SNX19: variants seen among roughly 807,000 people sequenced by gnomAD.
The protein encoded by SNX19 is sorting nexin-19.
SNX19 carries 60 observed loss-of-function variants against 85.2 expected under a neutral mutation model. The observed-to-expected ratio is 0.70, with a 90% CI of 0.57 to 0.87. SNX19 has a LOEUF of 0.87. Ranked by LOEUF, SNX19 falls within the 40% of genes least tolerant of loss-of-function variation. SNX19 has a pLI of 0.00. For synonymous variants in SNX19, 520 were observed against 470.0 expected (o/e 1.11, Z -1.38); for missense variants, 1,201 against 1,217.8 (o/e 0.99, Z 0.21).
intron 2 of SNX19, 51 bp downstream of exon 2, chr11:130,911,569 AGGCCAATCAGCGT>A: frequency 6.2e-7 from 1 of 1,604,060 alleles, no homozygotes; most frequent in Middle Eastern, 1.8e-4. Context: ...ATAAACCAAC[AGGCCAATCAGCGT>A]GGCTCGACGT....
rs1325393379 is a variant in SNX19 at position 130,880,826 on chromosome 11, A to G, written c.2574-20T>C. On this transcript the variant is annotated intron_variant, in intron 8 of 10. Coordinates refer to ENST00000265909, the MANE Select transcript of SNX19 (RefSeq NM_014758.3). ...AGCCACCTGTGGTAGAAGAGAGACG[A>G]AAGCTTAGATAAAGCTGAAGGAAAG... 1.3e-6 allele frequency: 2 copies of G among 1,532,094 alleles called. No individual in the cohort carries two copies. Among genetic ancestry groups the G allele is most frequent in the South Asian group, 2.6e-5 (2 of 78,304 alleles). 94.9% of individuals were successfully genotyped at this position (1,532,094 alleles called of 1,614,324 possible). A position where few individuals can be genotyped will look rare whatever the true frequency, so the allele number is the denominator to read the frequency against.
intron 4 of SNX19, 152 bp downstream of exon 4, chr11:130,909,866 C>G (rs1945956971): frequency 9.7e-7 from 1 of 1,031,226 alleles, no homozygotes; most frequent in African/African-American, 1.6e-5. Flanking sequence ...GGCAACAGGT[C>G]TTGACAATTT....
intron 8 of SNX19, among the ~76,000 whole-genome samples, chr11:130,902,153 T>C (rs1040069402): frequency 6.6e-6 from 1 of 152,262 alleles, no homozygotes; most frequent in African/African-American, 2.4e-5. Flanking sequence ...GGCATGTTAG[T>C]TGACTTTGCC....
rs1439278080 is a variant in SNX19 at position 130,910,080 on chromosome 11, G to C, written c.1972C>G (p.Leu658Val). The C allele has an allele frequency of 6.2e-7, 1 of 1,614,194 alleles. No individual in the cohort carries two copies. The highest frequency in any genetic ancestry group is 1.7e-5 in the Admixed American group (1 of 60,026). The change falls in exon 4 of 11, where the codon CTG becomes GTG. Residue 658 changes from leucine (L) to valine (V), a missense_variant. By Grantham distance (32) the Leu-to-Val change is conservative. Transcript: ENST00000265909. ...AAGGCAATACGAGCATCTGTGTTCA[G>C]AGCAAGGAACTCCTGCACCTCCTCA... ...NSEEVQEFLA[L>V]NTDARIAFVK...
At chr11:130,903,487 A>G in intron 7 of SNX19, 103 bp from the exon 8 acceptor site, 1 of 1,291,848 alleles carries the variant, frequency 7.7e-7, no homozygotes. Context: ...CTTCATGCCA[A>G]TCATCTGGTA....
chr11:130,880,859 C>A, intron 8 of SNX19, 53 bp from the exon 9 acceptor site: 1 of 1,444,920 alleles, frequency 6.9e-7, no homozygotes, highest in East Asian at 2.3e-5. Context: ...AAGGAAATAA[C>A]AAGGCAGCGG....
chr11:130,911,796 C>T, intron 1 of SNX19, 25 bp from the exon 2 acceptor site: 1 of 1,608,366 alleles, frequency 6.2e-7, no homozygotes, highest in African/African-American at 1.3e-5. Flanking sequence ...AATTGATTGA[C>T]TCAATCAGCC....
chr11:130,892,089 C>A (rs932933393), intron 8 of SNX19, among the ~76,000 whole-genome samples: 1 of 151,140 alleles, frequency 6.6e-6, no homozygotes, highest in Admixed American at 6.6e-5. Context: ...AATGATCCAC[C>A]CACCTTGGCC....
rs1361310812 is a variant in SNX19, at chr11:130,870,737, T to C, written c.*7685A>G. ...ATCAAGATCCAGACTTATTCACAAA[T>C]TTTGCCTCTTAAATAAACATAATCT... On this transcript the variant is annotated 3_prime_UTR_variant, in exon 11 of 11. Coordinates refer to ENST00000265909, the MANE Select transcript of SNX19 (RefSeq NM_014758.3). 6.6e-6 allele frequency among the ~76,000 whole-genome samples: 1 copy of C among 152,030 alleles called. No homozygotes were observed. Among genetic ancestry groups the C allele is most frequent in the Non-Finnish European group, 1.5e-5 (1 of 68,004 alleles).
intron 8 of SNX19, among the ~76,000 whole-genome samples, chr11:130,889,021 A>G (rs1262818156): frequency 6.6e-6 from 1 of 152,188 alleles, no homozygotes; most frequent in African/African-American, 2.4e-5. Context: ...TTCACCATGT[A>G]ATCAGTTGAT....
chr11:130,905,681 T>A (rs1346356362), intron 7 of SNX19: 2 of 1,516,488 alleles, frequency 1.3e-6, no homozygotes, highest in Admixed American at 4.0e-5. Context: ...AAAAATAAGT[T>A]TAATGAGTTA....
At position 130,885,543 on chromosome 11, in the gene SNX19, G is replaced by A. The variant is rs558060844; in HGVS notation, c.2574-4737C>T. 4.5e-4 allele frequency among the ~76,000 whole-genome samples: 69 copies of A among 152,302 alleles called. 1 individual carries two copies. The highest frequency in any genetic ancestry group is 1.4e-3 in the Admixed American group (21 of 15,304). ...ATTTCTTTTCTAAGACAGCAGCTATGGCTGAGTGAGAAAGGGTCTTGAATC... is the reference window on the plus strand; with the variant it reads ...ATTTCTTTTCTAAGACAGCAGCTATAGCTGAGTGAGAAAGGGTCTTGAATC... On this transcript the variant is annotated intron_variant, in intron 8 of 10. Transcript: ENST00000265909.
At chr11:130,894,109 A>G (rs982647129) in intron 8 of SNX19, among the ~76,000 whole-genome samples, 3 of 146,660 alleles carry the variant, frequency 2.0e-5, no homozygotes, top group African/African-American at 7.4e-5. Flanking sequence ...GCTATTCAGC[A>G]CTGACAATCT....
intron 8 of SNX19, among the ~76,000 whole-genome samples, chr11:130,888,809 C>T (rs1592297999): frequency 6.6e-6 from 1 of 152,108 alleles, no homozygotes; most frequent in Non-Finnish European, 1.5e-5. Flanking sequence ...TCATCTAGGC[C>T]ATGTACAGGT....
chr11:130,889,873 A>G (rs1944377620), intron 8 of SNX19, among the ~76,000 whole-genome samples: 1 of 152,188 alleles, frequency 6.6e-6, no homozygotes, highest in African/African-American at 2.4e-5. Context: ...CTACAAGGTT[A>G]GCTATTCATT....
At chr11:130,885,155 A>C (rs1250094841) in intron 8 of SNX19, among the ~76,000 whole-genome samples, 1 of 152,092 alleles carries the variant, frequency 6.6e-6, no homozygotes, top group Non-Finnish European at 1.5e-5. Context: ...CAGAGCCTTA[A>C]TAGGGGGCCT....
chr11:130,869,415 TACTC>T lies in SNX19; in HGVS notation c.*9003_*9006del, dbSNP rs1942921022. The T allele has an allele frequency of 1.3e-5, 2 of 152,244 alleles. No homozygotes were observed. The highest frequency in any genetic ancestry group is 1.3e-4 in the Admixed American group (2 of 15,288). 9.4% of individuals were successfully genotyped at this position (152,244 alleles called of 1,614,324 possible). A position where few individuals can be genotyped will look rare whatever the true frequency, so the allele number is the denominator to read the frequency against. ...TCATCTTTCCCATTTGAGCATTAAT[TACTC>T]AGTATTTTCTCATCAGTTTTCAGAA... is the stretch of plus-strand genomic sequence containing the variant. On this transcript the variant is annotated 3_prime_UTR_variant, in exon 11 of 11. Coordinates refer to ENST00000265909, the MANE Select transcript of SNX19 (RefSeq NM_014758.3).
intron 8 of SNX19, among the ~76,000 whole-genome samples, chr11:130,886,744 T>C (rs1023137180): frequency 1.3e-5 from 2 of 152,210 alleles, no homozygotes; most frequent in African/African-American, 4.8e-5. Flanking sequence ...TTATACTTCT[T>C]TTCTCTCTGA....
chr11:130,912,674 A>G (rs60550066), intron 1 of SNX19, among the ~76,000 whole-genome samples: 24,131 of 152,138 alleles, frequency 0.16, 2,187 homozygotes, highest in Middle Eastern at 0.25. Flanking sequence ...TTCTGGAGAC[A>G]GGGTATTCAT....
Sources: allele counts gnomAD v4.1 joint callset (sites outside exome capture counted in the v4.1 genomes callset), GRCh38; gene constraint gnomAD v4.1.1; transcripts MANE v1.5; gene names NCBI Gene and HGNC (gene_info 2026-07-23, HGNC 2026-07-21).